The following PAEP variants were observed in gnomAD, a reference collection of about 807,000 sequenced individuals.
PAEP encodes the protein progestagen associated endometrial protein, also known as glycodelin.
PAEP carries 28 observed loss-of-function variants against 23.0 expected under a neutral mutation model. The observed-to-expected ratio is 1.22, with a 90% CI of 0.90 to 1.67. PAEP has a LOEUF of 1.67. PAEP is among the 40% of genes most tolerant of loss of function. PAEP has a pLI of 0.00. For missense variants in PAEP, 209 were observed against 226.4 expected (o/e 0.92, Z 0.49); for synonymous variants, 103 against 92.4 (o/e 1.12, Z -0.66).
At chr9:135,565,665 C>T in intron 5 of PAEP, 120 bp from the exon 6 acceptor site, 8 of 1,399,286 alleles carry the variant, frequency 5.7e-6, no homozygotes, top group Non-Finnish European at 8.1e-6. Context: ...CAGAGCCACC[C>T]TGAGGTGGGG....
intron 4 of PAEP, 73 bp downstream of exon 4, chr9:135,564,427 A>C: frequency 6.6e-7 from 1 of 1,526,592 alleles, no homozygotes; most frequent in Admixed American, 2.1e-5. Flanking sequence ...AACCCTGGGG[A>C]GCTGACAACT....
intron 5 of PAEP, 77 bp downstream of exon 5, chr9:135,565,591 C>A: frequency 7.0e-7 from 1 of 1,429,248 alleles, no homozygotes; most frequent in African/African-American, 1.4e-5. Flanking sequence ...CCCCTGCTGG[C>A]TCTGCAGGAC....
chr9:135,565,970 C>T (rs1832561842), intron 6 of PAEP, 169 bp downstream of exon 6: 4 of 748,894 alleles, frequency 5.3e-6, no homozygotes, highest in African/African-American at 1.7e-5. Flanking sequence ...AGGCTGCTGA[C>T]GTCCCCATTC....
At chr9:135,564,089 T>G (rs116273635) in intron 3 of PAEP, among the ~76,000 whole-genome samples, 155 bp from the exon 4 acceptor site, 5,040 of 152,262 alleles carry the variant, frequency 0.033, 293 homozygotes, top group African/African-American at 0.12. Flanking sequence ...CTTTCCTCCC[T>G]GGCTTCCCTG....
chr9:135,564,416 G>A (rs1284026629), intron 4 of PAEP, 62 bp downstream of exon 4: 1 of 1,533,190 alleles, frequency 6.5e-7, no homozygotes, highest in Non-Finnish European at 8.8e-7. Flanking sequence ...CCGTGGCTGG[G>A]AACCCTGGGG....
intron 6 of PAEP, 76 bp downstream of exon 6, chr9:135,565,877 C>A (rs1388002609): frequency 1.3e-6 from 2 of 1,484,734 alleles, no homozygotes; most frequent in South Asian, 2.3e-5. Flanking sequence ...TCTCTGGGCC[C>A]CTGGGACAGA....
At chr9:135,565,347 C>G (rs1396217413) in intron 4 of PAEP, 63 bp from the exon 5 acceptor site, 1 of 1,375,110 alleles carries the variant, frequency 7.3e-7, no homozygotes, top group Non-Finnish European at 1.0e-6. Flanking sequence ...GGCAAGGCCT[C>G]TGGAGCTCCC....
At chr9:135,562,009 C>A (rs975446052) in intron 1 of PAEP, 112 bp downstream of exon 1, 1 of 885,674 alleles carries the variant, frequency 1.1e-6, no homozygotes, top group Non-Finnish European at 1.8e-6. Context: ...ACAGAATGGA[C>A]GCCATGACGT....
rs751398314 is a variant in PAEP, at chr9:135,565,416, T to A, written c.428T>A (p.Val143Asp). Residue 143 changes from valine (V) to aspartate (D), a missense_variant, in exon 5 of 7, where the codon GTC becomes GAC. Coordinates refer to ENST00000479141, the MANE Select transcript of PAEP (RefSeq NM_002571.4). ...QSMMCQYLAR[V>D]LVEDDEIMQG... is the part of the protein sequence containing the mutation. Reference sequence around the variant, plus strand: ...GACCCAGCCTCTTCCACAGCCAGAGTCCTGGTGGAGGACGATGAGATCATG... The same window carrying A: ...GACCCAGCCTCTTCCACAGCCAGAGACCTGGTGGAGGACGATGAGATCATG... 23 of 1,613,776 alleles carry A rather than the reference T, an allele frequency of 1.4e-5. No homozygotes were observed. The highest frequency in any genetic ancestry group is 1.9e-5 in the Non-Finnish European group (23 of 1,179,848).
At chr9:135,565,746 C>T in intron 5 of PAEP, 39 bp from the exon 6 acceptor site, 1 of 1,613,490 alleles carries the variant, frequency 6.2e-7, no homozygotes, top group Non-Finnish European at 8.5e-7. Context: ...GCTGTCTCTT[C>T]TCTCGCTGAC....
intron 2 of PAEP, 76 bp downstream of exon 2, chr9:135,562,509 G>A: frequency 1.3e-6 from 2 of 1,536,784 alleles, no homozygotes; most frequent in Non-Finnish European, 1.8e-6. Flanking sequence ...TGGGTGGGTT[G>A]GGCGGAGCTG....
intron 4 of PAEP, chr9:135,564,906 A>G (rs1338681007): frequency 1.0e-6 from 1 of 980,838 alleles, no homozygotes; most frequent in Non-Finnish European, 1.2e-6. Flanking sequence ...GGCTTGGTGG[A>G]TAGATTAATA....
At chr9:135,563,882 G>A (rs1832453855) in intron 3 of PAEP, among the ~76,000 whole-genome samples, 1 of 152,024 alleles carries the variant, frequency 6.6e-6, no homozygotes, top group African/African-American at 2.4e-5. Flanking sequence ...ACTCTCCAAG[G>A]TCCATTTCTT....
chr9:135,562,553 G>T (rs1302416704), intron 2 of PAEP, 120 bp downstream of exon 2: 3 of 1,274,276 alleles, frequency 2.4e-6, no homozygotes, highest in Non-Finnish European at 3.3e-6. Context: ...ACAGCCAGGG[G>T]CTTCACTGTG....
In PAEP at chr9:135,561,812, T is replaced by A. The variant is rs1456695134; in HGVS notation, c.11T>A (p.Leu4His). 1 of 1,553,344 alleles carries A rather than the reference T, an allele frequency of 6.4e-7. No individual in the cohort carries two copies. Residue 4 changes from leucine (L) to histidine (H), a missense_variant, in exon 1 of 7, where the codon CTC (leucine) becomes CAC (histidine). Physicochemically the swap from Leu to His is moderately conservative, Grantham distance 99. Coordinates refer to ENST00000479141, the MANE Select transcript of PAEP (RefSeq NM_002571.4). ...CCCACAGCCGCAGCCATGCTGTGCC[T>A]CCTGCTCACCCTGGGCGTGGCCCTG... MLC[L>H]LLTLGVALVC... is the part of the protein sequence containing the mutation.
chr9:135,563,904 C>T (rs556157435), intron 3 of PAEP, among the ~76,000 whole-genome samples: 1 of 152,256 alleles, frequency 6.6e-6, no homozygotes, highest in South Asian at 2.1e-4. Flanking sequence ...TCCCTCTTCC[C>T]GCCCCTGTGC....
intron 4 of PAEP, 179 bp from the exon 5 acceptor site, chr9:135,565,231 G>A (rs2119044093): frequency 1.6e-6 from 1 of 610,626 alleles, no homozygotes; most frequent in Admixed American, 2.9e-5. Context: ...AGGGAACCTG[G>A]AGGTGCAGTG....
rs1225161885 is a variant in PAEP at position 135,566,831 on chromosome 9, G to C, written c.*279G>C. On this transcript the variant is annotated 3_prime_UTR_variant, in exon 7 of 7. Coordinates refer to ENST00000479141, the MANE Select transcript of PAEP (RefSeq NM_002571.4). ...TGTGGGATTCAGGGACGAGGGCCTG[G>C]GGTCGGGGCAGGCCCAGGCCACCGC... 3 of 154,768 alleles carry C rather than the reference G, an allele frequency of 1.9e-5. No individual in the cohort carries two copies. In the East Asian group the frequency reaches 5.8e-4, roughly 30 times the overall value. 9.6% of individuals were successfully genotyped at this position (154,768 alleles called of 1,614,324 possible). A position where few individuals can be genotyped will look rare whatever the true frequency, so the allele number is the denominator to read the frequency against.
chr9:135,564,313 A>T lies in PAEP; in HGVS notation c.380A>T (p.Asp127Val). 1 of 1,552,142 alleles carries T rather than the reference A, an allele frequency of 6.4e-7. No individual in the cohort carries two copies. Reference protein sequence around the residue: ...YDNFLFLCLQDTTTPIQSMMC... With the variant: ...YDNFLFLCLQVTTTPIQSMMC... ...AATTTCCTGTTTCTCTGCCTACAGG[A>T]CACCACCACCCCCATCCAGAGCATG... The change falls in exon 4 of 7, where the codon GAC becomes GTC. Residue 127 changes from aspartate to valine, a missense_variant. Coordinates refer to ENST00000479141, the MANE Select transcript of PAEP (RefSeq NM_002571.4).
Sources: allele counts gnomAD v4.1 joint callset (sites outside exome capture counted in the v4.1 genomes callset), GRCh38; gene constraint gnomAD v4.1.1; transcripts MANE v1.5; gene names NCBI Gene and HGNC (gene_info 2026-07-23, HGNC 2026-07-21).